Variants in GSG1L observed in about 807,000 individuals in gnomAD.
GSG1L encodes germ cell-specific gene 1-like protein.
A neutral mutation model predicts 42.1 loss-of-function variants in GSG1L; 24 were observed. The ratio of observed to expected loss-of-function variants is 0.57; its 90% CI spans 0.41 to 0.80. The LOEUF (loss-of-function observed/expected upper bound fraction) is 0.80, where lower values mean the gene tolerates loss of function less well. GSG1L is among the 30% of genes least tolerant of loss of function. The pLI is 0.00. For synonymous variants in GSG1L, 215 were observed against 203.5 expected (o/e 1.06, Z -0.48); for missense variants, 445 against 472.2 (o/e 0.94, Z 0.53).
intron 5 of GSG1L, among the ~76,000 whole-genome samples, chr16:27,827,241 C>T (rs1248381837): frequency 6.6e-6 from 1 of 152,186 alleles, no homozygotes; most frequent in Non-Finnish European, 1.5e-5. Flanking sequence ...TTCTATATCC[C>T]CTCTCTCAAG....
chr16:28,038,923 G>T (rs1007294996), intron 1 of GSG1L, among the ~76,000 whole-genome samples: 19 of 152,132 alleles, frequency 1.2e-4, no homozygotes, highest in African/African-American at 3.4e-4. Flanking sequence ...CCCACTTAAG[G>T]CTCTATCAGA....
chr16:28,063,493 C>G lies in GSG1L; in HGVS notation c.-69G>C, dbSNP rs1351697457. The G allele has an allele frequency of 3.7e-5, 37 of 1,011,086 alleles. No homozygotes were observed. The East Asian group carries it at 1.2e-3, about 32-fold the overall frequency. 62.6% of individuals were successfully genotyped at this position (1,011,086 alleles called of 1,614,324 possible). ...CGCGCGCGAAGTTGGCAGCTGGCGC[C>G]CCGCGTCAGCGGCCGCTGCCCGCCG... On this transcript the variant is annotated 5_prime_UTR_variant, in exon 1 of 7. Transcript: ENST00000447459. The surrounding 1 kb of genome is among the most constrained non-coding windows in gnomAD (Gnocchi z 5.8).
intron 2 of GSG1L, among the ~76,000 whole-genome samples, chr16:27,899,001 A>C (rs1327751098): frequency 6.6e-6 from 1 of 152,176 alleles, no homozygotes; most frequent in Non-Finnish European, 1.5e-5. Flanking sequence ...GCTACAGCCC[A>C]GGGAACCAGC....
intron 1 of GSG1L, among the ~76,000 whole-genome samples, chr16:28,048,326 C>G (rs1316042765): frequency 6.6e-6 from 1 of 151,682 alleles, no homozygotes; most frequent in Admixed American, 6.6e-5. Context: ...TCAAATAAAA[C>G]ATTTACGAAA....
At chr16:27,997,898 T>TA (rs1433456359) in intron 1 of GSG1L, among the ~76,000 whole-genome samples, 1 of 128,684 alleles carries the variant, frequency 7.8e-6, no homozygotes, top group African/African-American at 2.8e-5. Context: ...CTCACTCTGC[T>TA]ACCCAGGCTG....
intron 4 of GSG1L, among the ~76,000 whole-genome samples, chr16:27,838,453 G>A (rs1339226265): frequency 3.3e-5 from 5 of 152,172 alleles, no homozygotes; most frequent in African/African-American, 7.2e-5. Flanking sequence ...CTGGCACACG[G>A]AGCTGCGTGG....
chr16:27,996,761 T>G (rs1596685372), intron 1 of GSG1L, among the ~76,000 whole-genome samples: 1 of 152,312 alleles, frequency 6.6e-6, no homozygotes, highest in East Asian at 1.9e-4. Context: ...AATCTTTACC[T>G]TATAAATCTT....
At position 27,979,726 on chromosome 16, in the gene GSG1L, G is replaced by GGAAGGAGA. The variant is rs1491436872; in HGVS notation, c.350-16524_350-16523insTCTCCTTC. 3.7e-5 allele frequency among the ~76,000 whole-genome samples: 2 copies of GGAAGGAGA among 53,584 alleles called. 1 individual carries two copies. The highest frequency in any genetic ancestry group is 6.8e-5 in the Non-Finnish European group (2 of 29,248). The allele number at this position is 53,584 out of a possible 152,430, so 35.2% of individuals were successfully genotyped here. ...AGGAAGGAAGGAAGGAAGGAAGGAAGGAAAGAAAAAGAAAGAAAGAAAGGA... is the reference window on the plus strand; with the variant it reads ...AGGAAGGAAGGAAGGAAGGAAGGAAGGAAGGAGAGAAAGAAAAAGAAAGAAAGAAAGGA... On this transcript the variant is annotated intron_variant, in intron 1 of 6. Coordinates refer to ENST00000447459, the MANE Select transcript of GSG1L (RefSeq NM_001109763.2).
chr16:28,033,487 A>C (rs2141177625), intron 1 of GSG1L, among the ~76,000 whole-genome samples: 1 of 152,316 alleles, frequency 6.6e-6, no homozygotes, highest in Admixed American at 6.5e-5. Flanking sequence ...TATTCCAAAG[A>C]ACATAATTAA....
At chr16:27,872,640 G>A (rs563622576) in intron 3 of GSG1L, among the ~76,000 whole-genome samples, 6 of 152,214 alleles carry the variant, frequency 3.9e-5, no homozygotes, top group South Asian at 4.2e-4. Context: ...AACAGGTTGC[G>A]GTAAAGAAGC....
At chr16:27,918,503 C>CA (rs2084484821) in intron 2 of GSG1L, among the ~76,000 whole-genome samples, 1 of 151,706 alleles carries the variant, frequency 6.6e-6, no homozygotes, top group Non-Finnish European at 1.5e-5. Flanking sequence ...ACTAAAAATA[C>CA]AAAAAATTAG....
In GSG1L at chr16:28,063,106, A is replaced by G. The variant is rs1489587475; in HGVS notation, c.319T>C (p.Tyr107His). Residue 107 changes from tyrosine (Y) to histidine (H), a missense_variant, in exon 1 of 7, where the codon TAC becomes CAC. Transcript: ENST00000447459. The surrounding 1 kb of genome is among the most constrained non-coding windows in gnomAD (Gnocchi z 5.8). ...LFRNFHTGIWYSCEEELSGLG... is the reference protein window; with the variant it reads ...LFRNFHTGIWHSCEEELSGLG... ...CCGCTGAGCTCCTCCTCGCACGAGTACCAGATGCCGGTGTGGAAATTCCTG... is the reference window on the plus strand; with the variant it reads ...CCGCTGAGCTCCTCCTCGCACGAGTGCCAGATGCCGGTGTGGAAATTCCTG... 2.0e-5 allele frequency: 29 copies of G among 1,440,470 alleles called. No individual in the cohort carries two copies. Among genetic ancestry groups the G allele is most frequent in the Non-Finnish European group, 2.3e-5 (25 of 1,091,360 alleles). 89.2% of individuals were successfully genotyped at this position (1,440,470 alleles called of 1,614,324 possible). A position where few individuals can be genotyped will look rare whatever the true frequency, so the allele number is the denominator to read the frequency against.
intron 1 of GSG1L, among the ~76,000 whole-genome samples, chr16:27,984,705 G>A (rs1268903421): frequency 6.6e-6 from 1 of 151,480 alleles, no homozygotes; most frequent in Admixed American, 6.6e-5. Context: ...AATTACATTT[G>A]ATCCCTCTGT....
intron 1 of GSG1L, among the ~76,000 whole-genome samples, chr16:28,036,459 T>A (rs374685788): frequency 6.6e-6 from 1 of 151,694 alleles, no homozygotes; most frequent in Admixed American, 6.6e-5. Context: ...AAGACTCCAG[T>A]TCCCCCCTGG....
At chr16:28,051,887 T>C (rs2086225704) in intron 1 of GSG1L, among the ~76,000 whole-genome samples, 2 of 152,036 alleles carry the variant, frequency 1.3e-5, no homozygotes, top group South Asian at 4.2e-4. Context: ...CAGTATGCAG[T>C]AGGATTGCTC....
In GSG1L at chr16:27,994,184, G is replaced by A. The variant is rs141501848; in HGVS notation, c.350-30981C>T. 1.5e-3 allele frequency among the ~76,000 whole-genome samples: 221 copies of A among 152,268 alleles called. 1 individual carries two copies. The highest frequency in any genetic ancestry group is 1.5e-3 in the Non-Finnish European group (101 of 68,020). ...AACGGCTACATTCTGGTGCATTGGC[G>A]AGACTGTAACATAAGGATAGGAGAA... On this transcript the variant is annotated intron_variant, in intron 1 of 6. Transcript: ENST00000447459.
At chr16:27,859,093 T>A (rs2083612652) in intron 3 of GSG1L, among the ~76,000 whole-genome samples, 1 of 151,834 alleles carries the variant, frequency 6.6e-6, no homozygotes, top group Non-Finnish European at 1.5e-5. Flanking sequence ...ACTGTTGCTA[T>A]GAGGAGCCAC....
intron 2 of GSG1L, among the ~76,000 whole-genome samples, chr16:27,921,293 A>G (rs929994276): frequency 2.6e-5 from 4 of 151,888 alleles, no homozygotes; most frequent in African/African-American, 7.3e-5. Context: ...CCTCCATCCA[A>G]CACACACACT....
intron 1 of GSG1L, among the ~76,000 whole-genome samples, chr16:27,979,729 AAG>A (rs1381907447): frequency 1.2e-5 from 1 of 83,076 alleles, no homozygotes; most frequent in African/African-American, 4.5e-5. Context: ...GAAGGAAGGA[AAG>A]AAAAAGAAAG....
Sources: allele counts gnomAD v4.1 joint callset (sites outside exome capture counted in the v4.1 genomes callset), GRCh38; gene constraint gnomAD v4.1.1; non-coding constraint Gnocchi (gnomAD v3.1); transcripts MANE v1.5; gene names NCBI Gene and HGNC (gene_info 2026-07-23, HGNC 2026-07-21).